The following MMP12 variants were observed in gnomAD, a reference collection of about 807,000 sequenced individuals.
The protein encoded by MMP12 is matrix metallopeptidase 12, also known as macrophage metalloelastase.
A neutral mutation model predicts 45.2 loss-of-function variants in MMP12; 51 were observed. That is an observed-to-expected ratio of 1.13 (90% CI 0.90 to 1.42). The LOEUF (loss-of-function observed/expected upper bound fraction) is 1.42. Ranked by LOEUF, MMP12 falls within the 40% of genes most tolerant of loss-of-function variation. The probability of loss-of-function intolerance (pLI) is 0.00; values close to 1 mark genes in which losing one functional copy is unlikely to be tolerated. For synonymous variants in MMP12, 210 were observed against 193.3 expected (o/e 1.09, Z -0.72); for missense variants, 530 against 570.8 (o/e 0.93, Z 0.73).
At chr11:102,866,658 A>G (rs571610048) in intron 6 of MMP12, among the ~76,000 whole-genome samples, 1 of 152,318 alleles carries the variant, frequency 6.6e-6, no homozygotes, top group Admixed American at 6.5e-5. Context: ...GCAATCTGGT[A>G]TACAGAAATA....
rs1859497738 is a variant in MMP12, at chr11:102,871,630, A to C, written c.589T>G (p.Phe197Val). 6.4e-7 allele frequency: 1 copy of C among 1,567,136 alleles called. No individual in the cohort carries two copies. The highest frequency in any genetic ancestry group is 8.7e-7 in the Non-Finnish European group (1 of 1,154,708). The part of the protein sequence containing the change: ...PGSGIGGDAH[F>V]DEDEFWTTHS... ...GTAGTCCAGAATTCGTCCTCATCGA[A>C]ATGTGCATCCCCTCCAATGCCAGAT... is the stretch of plus-strand genomic sequence containing the variant. The change falls in exon 4 of 10, where the codon TTC (phenylalanine) becomes GTC (valine). Residue 197 changes from phenylalanine (F) to valine (V), a missense_variant. Phe to Val is a conservative substitution (Grantham distance 50). Coordinates refer to ENST00000571244, the MANE Select transcript of MMP12 (RefSeq NM_002426.6).
intron 7 of MMP12, 90 bp from the exon 8 acceptor site, chr11:102,866,025 C>T: frequency 9.6e-7 from 1 of 1,043,896 alleles, no homozygotes; most frequent in Non-Finnish European, 1.4e-6. Flanking sequence ...TAATTCCTTT[C>T]CAACAGTTAT....
chr11:102,874,870 G>A lies in MMP12; in HGVS notation c.68C>T (p.Thr23Ile). 1.2e-6 allele frequency: 2 copies of A among 1,606,914 alleles called. No homozygotes were observed. Among genetic ancestry groups the A allele is most frequent in the Non-Finnish European group, 1.7e-6 (2 of 1,176,408 alleles). The change falls in exon 1 of 10, where the codon ACA becomes ATA. Residue 23 changes from threonine (T) to isoleucine (I), a missense_variant. Transcript: ENST00000571244. ...ASGALPLNSS[T>I]SLEKNNVLFG... ...TAGCACATTATTTTTTTCCAGGCTT[G>A]TAGAGCTGTTCAGGGGAAGAGCTCC...
At chr11:102,864,307 G>A (rs556632434) in intron 8 of MMP12, 55 bp from the exon 9 acceptor site, 2 of 1,228,962 alleles carry the variant, frequency 1.6e-6, no homozygotes, top group Admixed American at 1.8e-5. Flanking sequence ...TTCCTGACAT[G>A]CACCACAAAC....
Position 102,867,328 on chromosome 11 carries a change from T to C in MMP12, c.853A>G (p.Asn285Asp), listed in dbSNP as rs782770063. ...DNSEPALCDP[N>D]LSFDAVTTVG... is the part of the protein sequence containing the mutation. The stretch of plus-strand genomic sequence containing the variant: ...GTAGTGACAGCATCAAAACTCAAAT[T>C]GGGGTCACAGAGAGCTGGTTCTGAA... The change falls in exon 6 of 10, where the codon AAT becomes GAT. Residue 285 changes from asparagine (N) to aspartate (D), a missense_variant. Transcript: ENST00000571244. 23 of 1,610,822 alleles carry C rather than the reference T, an allele frequency of 1.4e-5. No homozygotes were observed. The highest frequency in any genetic ancestry group is 1.2e-4 in the South Asian group (11 of 90,258).
At chr11:102,864,286 A>C (rs782166746) in intron 8 of MMP12, 34 bp from the exon 9 acceptor site, 1 of 1,483,620 alleles carries the variant, frequency 6.7e-7, no homozygotes, top group Non-Finnish European at 9.4e-7. Context: ...GAACTCAATC[A>C]GAAAGTGGCT....
At chr11:102,867,141 C>T in intron 6 of MMP12, 129 bp downstream of exon 6, 2 of 789,664 alleles carry the variant, frequency 2.5e-6, no homozygotes, top group Non-Finnish European at 3.8e-6. Context: ...TCACTGCCTA[C>T]AGAATCGAGT....
intron 4 of MMP12, 74 bp from the exon 5 acceptor site, chr11:102,868,143 G>T: frequency 8.0e-7 from 1 of 1,253,750 alleles, no homozygotes; most frequent in Non-Finnish European, 1.1e-6. Context: ...ATCTGACACA[G>T]TGAAAAAGAA....
rs1296641312 is a variant in MMP12, at chr11:102,866,380, G to C, written c.980C>G (p.Thr327Ser). 1 of 1,606,216 alleles carries C rather than the reference G, an allele frequency of 6.2e-7. No individual in the cohort carries two copies. The highest frequency in any genetic ancestry group is 1.3e-5 in the African/African-American group (1 of 74,826). ...AGCAGCTTCAATGCCAGATGGCAAGGTTGGCCATAAGGAAGAAATTAAATT... is the reference window on the plus strand; with the variant it reads ...AGCAGCTTCAATGCCAGATGGCAAGCTTGGCCATAAGGAAGAAATTAAATT... ...SVNLISSLWP[T>S]LPSGIEAAYE... The change falls in exon 7 of 10, where the codon ACC (threonine) becomes AGC (serine). Residue 327 changes from threonine (T) to serine (S), a missense_variant. Coordinates refer to ENST00000571244, the MANE Select transcript of MMP12 (RefSeq NM_002426.6).
chr11:102,863,319 T>C, intron 9 of MMP12, 119 bp from the exon 10 acceptor site: 1 of 590,078 alleles, frequency 1.7e-6, no homozygotes, highest in South Asian at 2.5e-5. Context: ...GGGCTGTGGT[T>C]CATGCCCTTA....
chr11:102,867,343 C>G lies in MMP12; in HGVS notation c.838G>C (p.Ala280Pro). ...RLPNPDNSEPALCDPNLSFDA... is the reference protein window; with the variant it reads ...RLPNPDNSEPPLCDPNLSFDA... The stretch of plus-strand genomic sequence containing the variant: ...AAACTCAAATTGGGGTCACAGAGAG[C>G]TGGTTCTGAATTGTCAGGATTTGGC... Residue 280 changes from alanine to proline, a missense_variant, in exon 6 of 10, where the codon GCT (alanine) becomes CCT (proline). By Grantham distance (27) the Ala-to-Pro change is conservative. Coordinates refer to ENST00000571244, the MANE Select transcript of MMP12 (RefSeq NM_002426.6). The G allele has an allele frequency of 1.2e-6, 2 of 1,611,514 alleles. No individual in the cohort carries two copies. The highest frequency in any genetic ancestry group is 2.2e-5 in the South Asian group (2 of 90,344).
chr11:102,874,151 CTA>C (rs1434338673), intron 1 of MMP12, among the ~76,000 whole-genome samples: 1 of 151,388 alleles, frequency 6.6e-6, no homozygotes, highest in African/African-American at 2.4e-5. Context: ...AAATGGATAA[CTA>C]TGATAAATTC....
rs1043695954 is a variant in MMP12, at chr11:102,862,893, T to C, written c.*207A>G. The C allele has an allele frequency of 2.2e-5, 8 of 359,674 alleles. No homozygotes were observed. The Admixed American group carries it at 3.8e-4, about 17-fold the overall frequency. The allele number at this position is 359,674 out of a possible 1,614,324, so 22.3% of individuals were successfully genotyped here. ...CCTTTGAAGGTAACTATTTTCAAAC[T>C]TAATAGTAGAGTCAAGCAAGAATGG... On this transcript the variant is annotated 3_prime_UTR_variant, in exon 10 of 10. Transcript: ENST00000571244.
chr11:102,864,356 A>G (rs1859347724), intron 8 of MMP12, 104 bp from the exon 9 acceptor site: 2 of 750,374 alleles, frequency 2.7e-6, no homozygotes, highest in Non-Finnish European at 4.6e-6. Context: ...CAAAGGACTT[A>G]AGTTGCTCTG....
In MMP12 at chr11:102,872,983, GC is replaced by G. The variant is rs1358110644; in HGVS notation, c.231del (p.Gln78AsnfsTer9). The stretch of plus-strand genomic sequence containing the variant: ...ATCTCCAGGGTAGATGTGTCCAGTT[GC>G]CCGGTCACTTTCAGACCCAAGAAGT... The part of the protein sequence containing the change: ...MQHFLGLKVT[G>X]QLDTSTLEMM... On this transcript the variant is annotated frameshift_variant, in exon 2 of 10. Transcript: ENST00000571244. LOFTEE classifies it high-confidence loss of function. 4 of 1,613,472 alleles carry G rather than the reference GC, an allele frequency of 2.5e-6. No homozygotes were observed. The African/African-American group carries it at 4.0e-5, about 16-fold the overall frequency.
Position 102,865,701 on chromosome 11 carries a change from T to C in MMP12, c.1205+75A>G. 3 of 1,280,376 alleles carry C rather than the reference T, an allele frequency of 2.3e-6. No homozygotes were observed. The highest frequency in any genetic ancestry group is 3.2e-6 in the Non-Finnish European group (3 of 944,874). 79.3% of individuals were successfully genotyped at this position (1,280,376 alleles called of 1,614,324 possible). A position where few individuals can be genotyped will look rare whatever the true frequency, so the allele number is the denominator to read the frequency against. On this transcript the variant is annotated intron_variant, in intron 8 of 9. Coordinates refer to ENST00000571244, the MANE Select transcript of MMP12 (RefSeq NM_002426.6). This position sits in a 1 kb window ranked among gnomAD's most constrained non-coding sequence, Gnocchi z 4.1. ...GAGCTTTGGGAATTTGCGCAGAAAATGTGCCTTCTAGAAAGCCTCATTCCA... is the reference window on the plus strand; with the variant it reads ...GAGCTTTGGGAATTTGCGCAGAAAACGTGCCTTCTAGAAAGCCTCATTCCA...
At position 102,872,995 on chromosome 11, in the gene MMP12, T is replaced by C; in HGVS notation, c.220A>G (p.Lys74Glu). The change falls in exon 2 of 10, where the codon AAA becomes GAA. Residue 74 changes from lysine (K) to glutamate (E), a missense_variant. Coordinates refer to ENST00000571244, the MANE Select transcript of MMP12 (RefSeq NM_002426.6). ...GATGTGTCCAGTTGCCCGGTCACTT[T>C]CAGACCCAAGAAGTGCTGCATTTCT... ...IQEMQHFLGLKVTGQLDTSTL... is the reference protein window; with the variant it reads ...IQEMQHFLGLEVTGQLDTSTL... 1 of 1,613,708 alleles carries C rather than the reference T, an allele frequency of 6.2e-7. No individual in the cohort carries two copies. Among genetic ancestry groups the C allele is most frequent in the African/African-American group, 1.3e-5 (1 of 75,042 alleles).
At chr11:102,867,213 CA>C (rs28381681) in intron 6 of MMP12, 56 bp downstream of exon 6, 260,884 of 1,438,846 alleles carry the variant, frequency 0.18, 26,923 homozygotes, top group East Asian at 0.39. Flanking sequence ...TGTTTTCTGA[CA>C]AAAAAAATTT....
chr11:102,863,278 T>C, intron 9 of MMP12, 78 bp from the exon 10 acceptor site: 1 of 847,036 alleles, frequency 1.2e-6, no homozygotes, highest in Non-Finnish European at 1.9e-6. Context: ...ACAAATCTCT[T>C]CTCATAGATT....
Sources: gnomAD v4.1 joint callset for allele counts (sites outside exome capture counted in the v4.1 genomes callset) on GRCh38, gnomAD v4.1.1 for gene constraint, Gnocchi (gnomAD v3.1) non-coding constraint, MANE v1.5 for transcripts, NCBI Gene and HGNC (gene_info 2026-07-23, HGNC 2026-07-21) for gene names.